Variants in ATRNL1 observed in about 807,000 individuals in gnomAD.
ATRNL1 encodes attractin-like protein 1.
ATRNL1 carries 95 observed loss-of-function variants against 182.7 expected under a neutral mutation model. The ratio of observed to expected loss-of-function variants is 0.52; its 90% confidence interval spans 0.44 to 0.62. The LOEUF is 0.62. Among genes scored for constraint, ATRNL1 ranks in the 20% least tolerant of loss-of-function variants. The pLI, the probability that ATRNL1 is intolerant of heterozygous loss-of-function variation, is 0.00. For missense variants in ATRNL1, 1,471 were observed against 1,679.5 expected, an observed-to-expected ratio of 0.88 and a Z score of 2.17; for synonymous variants, 576 against 568.3, an observed-to-expected ratio of 1.01 and a Z score of -0.19.
chr10:115,199,158 G>T (rs1429272787), intron 8 of ATRNL1, among the ~76,000 whole-genome samples: 1 of 151,960 alleles, frequency 6.6e-6, no homozygotes, highest in Admixed American at 6.6e-5. Context: ...CCATTTATTT[G>T]TGTCTTTTTC....
chr10:115,902,642 C>T (rs1336898327), intron 28 of ATRNL1, among the ~76,000 whole-genome samples: 1 of 152,214 alleles, frequency 6.6e-6, no homozygotes, highest in South Asian at 2.1e-4. Context: ...GCAAATAGCT[C>T]AATTCACAAA....
intron 19 of ATRNL1, among the ~76,000 whole-genome samples, chr10:115,356,932 A>G (rs1353765478): frequency 6.6e-6 from 1 of 151,864 alleles, no homozygotes; most frequent in Non-Finnish European, 1.5e-5. Flanking sequence ...AAACTATTCA[A>G]TAGTTTCAGT....
intron 28 of ATRNL1, among the ~76,000 whole-genome samples, chr10:115,848,568 C>A (rs1950983182): frequency 6.6e-6 from 1 of 152,116 alleles, no homozygotes; most frequent in Non-Finnish European, 1.5e-5. Flanking sequence ...AGCCTTTGTT[C>A]TGATTCTCCT....
At chr10:115,325,819 T>C (rs1854843627) in intron 18 of ATRNL1, among the ~76,000 whole-genome samples, 1 of 152,176 alleles carries the variant, frequency 6.6e-6, no homozygotes, top group South Asian at 2.1e-4. Context: ...CATTTACTTA[T>C]TATTTTACCA....
At chr10:115,717,059 G>A (rs1947273222) in intron 26 of ATRNL1, among the ~76,000 whole-genome samples, 1 of 151,966 alleles carries the variant, frequency 6.6e-6, no homozygotes, top group Non-Finnish European at 1.5e-5. Flanking sequence ...TCATCCTTTT[G>A]CTCATTTTGA....
At chr10:115,340,582 G>A (rs1286737814) in intron 19 of ATRNL1, among the ~76,000 whole-genome samples, 1 of 144,766 alleles carries the variant, frequency 6.9e-6, no homozygotes, top group African/African-American at 2.6e-5. Context: ...CTATTTTTCA[G>A]AATAGTTTGA....
chr10:115,556,704 A>C (rs1853333598), intron 26 of ATRNL1, among the ~76,000 whole-genome samples: 1 of 152,042 alleles, frequency 6.6e-6, no homozygotes, highest in Non-Finnish European at 1.5e-5. Context: ...GACTTCAATA[A>C]ATATTAGCTG....
intron 26 of ATRNL1, among the ~76,000 whole-genome samples, chr10:115,559,945 G>C (rs1369511915): frequency 6.6e-6 from 1 of 152,108 alleles, no homozygotes; most frequent in Non-Finnish European, 1.5e-5. Context: ...AAGAAGTAAA[G>C]CTATCTCTAT....
intron 10 of ATRNL1, among the ~76,000 whole-genome samples, chr10:115,253,087 C>G (rs1850951119): frequency 6.6e-6 from 1 of 152,110 alleles, no homozygotes; most frequent in Admixed American, 6.5e-5. Flanking sequence ...GAGTTTGAGT[C>G]CTCTGGAAAG....
intron 26 of ATRNL1, among the ~76,000 whole-genome samples, chr10:115,582,055 C>A (rs1174704045): frequency 2.6e-5 from 4 of 151,860 alleles, no homozygotes; most frequent in African/African-American, 9.7e-5. Flanking sequence ...TCATCCATAT[C>A]CCTACAAAGG....
At position 115,547,163 on chromosome 10, in the gene ATRNL1, G is replaced by A. The variant is rs1852705273; in HGVS notation, c.3717-2295G>A. Among the ~76,000 whole-genome samples the A allele has an allele frequency of 2.0e-5, 3 of 151,854 alleles. No homozygotes were observed. In the South Asian group the frequency reaches 6.2e-4, roughly 32 times the overall value. ...CTAGCTACTCAGGAGGCTGAGGTGG[G>A]AGAATTGCTGAAATCTGGAAGGCAG... On this transcript the variant is annotated intron_variant, in intron 25 of 28. Transcript: ENST00000355044.
In ATRNL1 at chr10:115,660,042, A is replaced by G. The variant is rs531612281; in HGVS notation, c.3796-67206A>G. 9.2e-4 allele frequency among the ~76,000 whole-genome samples: 140 copies of G among 152,276 alleles called. 1 individual carries two copies. Among genetic ancestry groups the G allele is most frequent in the African/African-American group, 3.2e-3 (135 of 41,564 alleles). ...GACATGAACAGGTTGTAACTTTGGA[A>G]ATGTTATTCTGATTAGTTGTAGAGC... On this transcript the variant is annotated intron_variant, in intron 26 of 28. Coordinates refer to ENST00000355044, the MANE Select transcript of ATRNL1 (RefSeq NM_207303.4).
At chr10:115,121,271 C>T (rs936622749) in intron 2 of ATRNL1, among the ~76,000 whole-genome samples, 17 of 152,176 alleles carry the variant, frequency 1.1e-4, no homozygotes, top group Middle Eastern at 6.8e-3. Context: ...TGCCGCCATG[C>T]GCAGCTAATT....
chr10:115,222,813 AG>A (rs1182453999), intron 9 of ATRNL1, among the ~76,000 whole-genome samples: 5 of 152,214 alleles, frequency 3.3e-5, no homozygotes, highest in Non-Finnish European at 7.3e-5. Context: ...GTGCTATTGA[AG>A]TAGAAGAAAA....
intron 20 of ATRNL1, among the ~76,000 whole-genome samples, chr10:115,408,733 CGTT>C (rs1435705253): frequency 6.6e-6 from 1 of 151,660 alleles, no homozygotes; most frequent in Admixed American, 6.6e-5. Context: ...TCCATTTTTC[CGTT>C]GTTTTTTGTA....
intron 28 of ATRNL1, among the ~76,000 whole-genome samples, chr10:115,903,572 G>A (rs142689380): frequency 0.012 from 1,893 of 152,320 alleles, 140 homozygotes; most frequent in Admixed American, 0.11. Flanking sequence ...AGCTAAAAGA[G>A]ATTCAAATCC....
chr10:115,093,557 G>A lies in ATRNL1; in HGVS notation c.-194G>A, dbSNP rs982320159. On this transcript the variant is annotated 5_prime_UTR_variant, in exon 1 of 29. Transcript: ENST00000355044. This position sits in a 1 kb window ranked among gnomAD's most constrained non-coding sequence, Gnocchi z 6.1. ...AGACTGGGTGGCGATGCCCGAGTGC[G>A]ACTGGAGGCAGCCGAGCGGAGGCGA... The A allele has an allele frequency of 2.3e-5, 16 of 704,850 alleles. No individual in the cohort carries two copies. In the Admixed American group the frequency reaches 2.7e-4, roughly 12 times the overall value. The allele number at this position is 704,850 out of a possible 1,614,324, so 43.7% of individuals were successfully genotyped here.
rs1228098956 is a variant in ATRNL1 at position 115,683,027 on chromosome 10, A to C, written c.3796-44221A>C. Among the ~76,000 whole-genome samples the C allele has an allele frequency of 2.0e-5, 3 of 152,144 alleles. No homozygotes were observed. In the South Asian group the frequency reaches 6.2e-4, roughly 32 times the overall value. Reference sequence around the variant, plus strand: ...AAGGGGGATGGGGAAACAATCAAAAACTTTTCTCATAAGGCTATTATTAAG... The same window carrying C: ...AAGGGGGATGGGGAAACAATCAAAACCTTTTCTCATAAGGCTATTATTAAG... On this transcript the variant is annotated intron_variant, in intron 26 of 28. Transcript: ENST00000355044.
intron 19 of ATRNL1, among the ~76,000 whole-genome samples, chr10:115,378,492 A>T (rs1451057150): frequency 1.3e-5 from 2 of 152,180 alleles, no homozygotes; most frequent in Non-Finnish European, 2.9e-5. Context: ...TAAATAAGAG[A>T]TACTGGGACC....
Sources: gnomAD v4.1 joint callset for allele counts (sites outside exome capture counted in the v4.1 genomes callset) on GRCh38, gnomAD v4.1.1 for gene constraint, Gnocchi (gnomAD v3.1) non-coding constraint, MANE v1.5 for transcripts, NCBI Gene and HGNC (gene_info 2026-07-23, HGNC 2026-07-21) for gene names.